GABPB1: variants seen among roughly 807,000 people sequenced by gnomAD.
The protein encoded by GABPB1 is GA-binding protein subunit beta-1.
In GABPB1, 15 loss-of-function variants were observed where a neutral mutation model predicts 45.9. That is an observed-to-expected ratio of 0.33 (90% CI 0.22 to 0.50). The LOEUF is 0.50. GABPB1 is among the 20% of genes least tolerant of loss of function. The probability of loss-of-function intolerance (pLI) is 0.98; values close to 1 mark genes in which losing one functional copy is unlikely to be tolerated. For missense variants in GABPB1, 252 were observed against 457.5 expected, an observed-to-expected ratio of 0.55 and a Z score of 4.10; for synonymous variants, 143 against 154.4, an observed-to-expected ratio of 0.93 and a Z score of 0.55.
In GABPB1 at chr15:50,278,663, G is replaced by C. The variant is rs748635243; in HGVS notation, c.1121C>G (p.Thr374Ser). The C allele has an allele frequency of 1.9e-6, 3 of 1,612,586 alleles. No individual in the cohort carries two copies. The highest frequency in any genetic ancestry group is 2.5e-6 in the Non-Finnish European group (3 of 1,179,574). ...EAYRQKLEAM[T>S]RLQTNKEAV ...AGCTTCTTTATTAGTCTGAAGACGA[G>C]TCATAGCTTCCAACTTCTGTCTGTA... Residue 374 changes from threonine to serine, a missense_variant, in exon 9 of 9, where the codon ACT becomes AGT. By Grantham distance (58) the Thr-to-Ser change is moderately conservative. Around this residue, in one of 4 missense-constraint regions of GABPB1, gnomAD observed 19 missense variants for 23.8 expected, o/e 0.80. Coordinates refer to ENST00000380877, the MANE Select transcript of GABPB1 (RefSeq NM_016654.5).
chr15:50,333,176 C>T (rs1052746428), intron 1 of GABPB1, among the ~76,000 whole-genome samples: 11 of 152,130 alleles, frequency 7.2e-5, no homozygotes, highest in Non-Finnish European at 1.3e-4. Context: ...AGAAAAAGAA[C>T]ATTTCCAGGC....
rs202016529 is a variant in GABPB1 at position 50,314,187 on chromosome 15, A to ATT, written c.1-4391_1-4390dup. On this transcript the variant is annotated intron_variant, in intron 1 of 8. Coordinates refer to ENST00000380877, the MANE Select transcript of GABPB1 (RefSeq NM_016654.5). The stretch of plus-strand genomic sequence containing the variant: ...ATACGGTAGATTTATTTATTTATTT[A>ATT]TTTATTTATTTTTTGAGACGGAGTC... 4.3e-3 allele frequency among the ~76,000 whole-genome samples: 597 copies of ATT among 139,920 alleles called. 4 individuals carry two copies. Among genetic ancestry groups the ATT allele is most frequent in the African/African-American group, 0.012 (458 of 36,828 alleles). The allele number at this position is 139,920 out of a possible 152,430, so 91.8% of individuals were successfully genotyped here.
At chr15:50,280,705 A>G (rs1440000764) in intron 8 of GABPB1, among the ~76,000 whole-genome samples, 1 of 151,956 alleles carries the variant, frequency 6.6e-6, no homozygotes, top group Non-Finnish European at 1.5e-5. Flanking sequence ...ACTCCACCGC[A>G]CTCCAGCCTG....
chr15:50,287,302 A>T (rs543756452), intron 7 of GABPB1, among the ~76,000 whole-genome samples: 86 of 152,220 alleles, frequency 5.6e-4, no homozygotes, highest in African/African-American at 2.0e-3. Context: ...CATCAACATA[A>T]ACTTTAGAAG....
intron 1 of GABPB1, among the ~76,000 whole-genome samples, chr15:50,337,075 GTA>G (rs869106382): frequency 0.018 from 254 of 14,030 alleles, no homozygotes; most frequent in Non-Finnish European, 0.027. Flanking sequence ...ATATGTGTGT[GTA>G]TATATATATA....
chr15:50,325,491 T>C (rs1438079312), intron 1 of GABPB1, among the ~76,000 whole-genome samples: 1 of 152,090 alleles, frequency 6.6e-6, no homozygotes, highest in Non-Finnish European at 1.5e-5. Context: ...ACTATATTTC[T>C]ACTGGAGAGA....
chr15:50,307,115 T>A (rs866058170), intron 2 of GABPB1, among the ~76,000 whole-genome samples: 1 of 152,122 alleles, frequency 6.6e-6, no homozygotes, highest in South Asian at 2.1e-4. Context: ...ACTATGCACA[T>A]CTCCAAATTT....
intron 1 of GABPB1, chr15:50,351,012 T>A (rs1192666058): frequency 6.6e-6 from 1 of 152,184 alleles, no homozygotes; most frequent in Admixed American, 6.5e-5. Context: ...GTTTATGCTC[T>A]ACAGATAAGT....
intron 2 of GABPB1, among the ~76,000 whole-genome samples, chr15:50,307,602 T>C (rs7167333): frequency 0.069 from 10,461 of 151,166 alleles, 608 homozygotes; most frequent in East Asian, 0.2. Flanking sequence ...CTTGGGAGGC[T>C]GAGGCAGGAG....
chr15:50,337,995 C>G (rs539694275), intron 1 of GABPB1, among the ~76,000 whole-genome samples: 3 of 151,272 alleles, frequency 2.0e-5, no homozygotes, highest in Non-Finnish European at 3.0e-5. Context: ...ATAATTCATT[C>G]AAAAAAAAAT....
rs1468988530 is a variant in GABPB1 at position 50,276,659 on chromosome 15, A to T, written c.*1973T>A. 1 of 152,236 alleles carries T rather than the reference A, an allele frequency of 6.6e-6. No homozygotes were observed. Among genetic ancestry groups the T allele is most frequent in the Admixed American group, 6.5e-5 (1 of 15,284 alleles). 9.4% of individuals were successfully genotyped at this position (152,236 alleles called of 1,614,324 possible). On this transcript the variant is annotated 3_prime_UTR_variant, in exon 9 of 9. Transcript: ENST00000380877. The stretch of plus-strand genomic sequence containing the variant: ...AGTTAGCTTTCACAAACTTGTTCCC[A>T]ACACTGTCTTGAGTCTTTTCAGGGC...
At chr15:50,301,086 T>G in intron 5 of GABPB1, 171 bp downstream of exon 5, 1 of 1,022,224 alleles carries the variant, frequency 9.8e-7, no homozygotes, top group Non-Finnish European at 1.4e-6. Context: ...ATAAAAATCT[T>G]TTTGCCAGTT....
intron 1 of GABPB1, among the ~76,000 whole-genome samples, chr15:50,343,106 A>G (rs544052425): frequency 6.6e-6 from 1 of 152,214 alleles, no homozygotes; most frequent in South Asian, 2.1e-4. Context: ...TCACCATGTT[A>G]GCCAGGATGG....
chr15:50,334,078 T>G (rs1415572993), intron 1 of GABPB1, among the ~76,000 whole-genome samples: 1 of 152,056 alleles, frequency 6.6e-6, no homozygotes, highest in Non-Finnish European at 1.5e-5. Flanking sequence ...AGTCATCTAT[T>G]ACTCTAATTC....
chr15:50,335,870 T>C (rs2048102179), intron 1 of GABPB1, among the ~76,000 whole-genome samples: 2 of 117,082 alleles, frequency 1.7e-5, no homozygotes, highest in Non-Finnish European at 3.2e-5. Context: ...CACTCCAGCC[T>C]GGGTGAGACA....
rs763869442 is a variant in GABPB1, at chr15:50,301,328, G to A, written c.512C>T (p.Pro171Leu). Residue 171 changes from proline to leucine, a missense_variant, in exon 5 of 9, where the codon CCT (proline) becomes CTT (leucine). Transcript: ENST00000380877. ...TGCAGCATGTATTGTCACAGTGTCA[G>A]GACTCTCTGGGTTTGTGTTGATTTG... ...QNQINTNPESPDTVTIHAATP... is the reference protein window; with the variant it reads ...QNQINTNPESLDTVTIHAATP... The A allele has an allele frequency of 6.2e-7, 1 of 1,613,916 alleles. No individual in the cohort carries two copies. Among genetic ancestry groups the A allele is most frequent in the Non-Finnish European group, 8.5e-7 (1 of 1,179,922 alleles).
At chr15:50,302,848 A>T in intron 4 of GABPB1, 81 bp downstream of exon 4, 1 of 937,410 alleles carries the variant, frequency 1.1e-6, no homozygotes, top group Non-Finnish European at 1.6e-6. Context: ...ACAATAGTTT[A>T]AATCATGCAC....
chr15:50,304,306 CCAAA>C (rs756973321), intron 2 of GABPB1, among the ~76,000 whole-genome samples, 173 bp from the exon 3 acceptor site: 18 of 152,100 alleles, frequency 1.2e-4, no homozygotes, highest in Non-Finnish European at 1.5e-5. Context: ...TGAAGAATTC[CCAAA>C]CACTCTCAAT....
intron 6 of GABPB1, among the ~76,000 whole-genome samples, chr15:50,298,719 G>A (rs2046612849): frequency 1.3e-5 from 2 of 152,122 alleles, no homozygotes; most frequent in Admixed American, 6.5e-5. Flanking sequence ...TTGGGAGGCC[G>A]AGGAAGGCAG....
Sources: gnomAD v4.1 joint callset for allele counts (sites outside exome capture counted in the v4.1 genomes callset) on GRCh38, gnomAD v4.1.1 for gene constraint, gnomAD v4.1.1 regional missense constraint, MANE v1.5 for transcripts, NCBI Gene and HGNC (gene_info 2026-07-23, HGNC 2026-07-21) for gene names.